Variants in HMGXB4 observed in about 807,000 individuals in gnomAD.
The protein encoded by HMGXB4 is HMG-box containing 4, also known as HMG domain-containing protein 4.
In HMGXB4, 27 loss-of-function variants were observed where a neutral mutation model predicts 63.9. The ratio of observed to expected loss-of-function variants is 0.42; its 90% CI spans 0.31 to 0.58. The LOEUF (loss-of-function observed/expected upper bound fraction) is 0.58. Ranked by LOEUF, HMGXB4 falls within the 20% of genes least tolerant of loss-of-function variation. The pLI, the probability that HMGXB4 is intolerant of heterozygous loss-of-function variation, is 0.13. For synonymous variants in HMGXB4, 264 were observed against 265.3 expected (o/e 0.99, Z 0.05); for missense variants, 624 against 700.7 (o/e 0.89, Z 1.24).
Position 35,265,281 on chromosome 22 carries a change from C to T in HMGXB4, c.893C>T (p.Ser298Phe). The T allele has an allele frequency of 6.2e-7, 1 of 1,614,008 alleles. No homozygotes were observed. The highest frequency in any genetic ancestry group is 8.5e-7 in the Non-Finnish European group (1 of 1,180,018). Residue 298 changes from serine (S) to phenylalanine (F), a missense_variant, in exon 5 of 11, where the codon TCT becomes TTT. By Grantham distance (155) the Ser-to-Phe change is radical. This residue lies in a region of HMGXB4 where 472 missense variants were observed against 470.6 expected (regional missense o/e 1.00). Coordinates refer to ENST00000216106, the MANE Select transcript of HMGXB4 (RefSeq NM_001003681.3). Reference sequence around the variant, plus strand: ...ATTCTGGTAGAATCAGACTCATCCTCTGGTGGGGAACTAGAGGCTGGGGAG... The same window carrying T: ...ATTCTGGTAGAATCAGACTCATCCTTTGGTGGGGAACTAGAGGCTGGGGAG... ...EPILVESDSS[S>F]GGELEAGELV...
At chr22:35,243,169 G>A in the HMGXB4 span, among the ~76,000 whole-genome samples, 61 of 152,188 alleles carry the variant, frequency 4.0e-4, no homozygotes, top group East Asian at 1.9e-4. Flanking sequence ...TCCAGAGTTC[G>A]AGACCAGCCT....
chr22:35,246,664 C>T, the HMGXB4 span, among the ~76,000 whole-genome samples: 2 of 152,192 alleles, frequency 1.3e-5, no homozygotes, highest in Non-Finnish European at 2.9e-5. Context: ...TTGGCTCTTC[C>T]ACATTGCCCA....
intron 9 of HMGXB4, among the ~76,000 whole-genome samples, chr22:35,291,810 G>GC (rs1924949173): frequency 6.6e-6 from 1 of 152,162 alleles, no homozygotes; most frequent in South Asian, 2.1e-4. Flanking sequence ...CTAGAGTTTA[G>GC]CCCCTAAGTG....
rs551006065 is a variant in HMGXB4 at position 35,279,132 on chromosome 22, C to CTTTT, written c.1216-4802_1216-4799dup. Among the ~76,000 whole-genome samples the CTTTT allele has an allele frequency of 2.7e-3, 135 of 50,830 alleles. 6 individuals are homozygous for CTTTT. Among genetic ancestry groups the CTTTT allele is most frequent in the African/African-American group, 3.9e-3 (43 of 10,960 alleles). The allele number at this position is 50,830 out of a possible 152,430, so 33.3% of individuals were successfully genotyped here. Reference sequence around the variant, plus strand: ...TATTTTCTCACAGTCTATGGATTGTCTTTTTTTTTTTTTTTTTTTTTTTTT... The same window carrying CTTTT: ...TATTTTCTCACAGTCTATGGATTGTCTTTTTTTTTTTTTTTTTTTTTTTTTTTTT... On this transcript the variant is annotated intron_variant, in intron 5 of 10. Transcript: ENST00000216106.
rs1219878584 is a variant in HMGXB4 at position 35,295,169 on chromosome 22, G to A, written c.*1518G>A. ...CCTGACAGAGCACTACAGCATCAAA[G>A]TAAATCTTTGGGGACAGTGTAGCCC... is the stretch of plus-strand genomic sequence containing the variant. On this transcript the variant is annotated 3_prime_UTR_variant, in exon 11 of 11. Coordinates refer to ENST00000216106, the MANE Select transcript of HMGXB4 (RefSeq NM_001003681.3). The A allele has an allele frequency of 6.6e-6, 1 of 152,232 alleles. No homozygotes were observed. Among genetic ancestry groups the A allele is most frequent in the Non-Finnish European group, 1.5e-5 (1 of 68,060 alleles). The allele number at this position is 152,232 out of a possible 1,614,324, so 9.4% of individuals were successfully genotyped here. A position where few individuals can be genotyped will look rare whatever the true frequency, so the allele number is the denominator to read the frequency against.
intron 5 of HMGXB4, among the ~76,000 whole-genome samples, chr22:35,274,404 GC>G (rs1555887987): frequency 1.3e-5 from 2 of 152,216 alleles, no homozygotes; most frequent in Non-Finnish European, 2.9e-5. Flanking sequence ...TTGCTGCCAG[GC>G]TGGCCTTCTA....
rs1925226137 is a variant in HMGXB4 at position 35,295,742 on chromosome 22, T to G, written c.*2091T>G. On this transcript the variant is annotated 3_prime_UTR_variant, in exon 11 of 11. Coordinates refer to ENST00000216106, the MANE Select transcript of HMGXB4 (RefSeq NM_001003681.3). ...TCTAGTGGTTTGATCCAAATCCCAT[T>G]ACAGTTGTATAAAGAAATAAAATTT... 1.3e-5 allele frequency: 2 copies of G among 152,632 alleles called. No individual in the cohort carries two copies. Among genetic ancestry groups the G allele is most frequent in the African/African-American group, 4.8e-5 (2 of 41,454 alleles). The allele number at this position is 152,632 out of a possible 1,614,324, so 9.5% of individuals were successfully genotyped here.
At chr22:35,244,868 C>A in the HMGXB4 span, among the ~76,000 whole-genome samples, 1 of 152,206 alleles carries the variant, frequency 6.6e-6, no homozygotes, top group Non-Finnish European at 1.5e-5. Context: ...CTGCTGGCAA[C>A]TGTACCCTTT....
intron 1 of HMGXB4, among the ~76,000 whole-genome samples, chr22:35,260,591 G>C (rs932815864): frequency 1.3e-5 from 2 of 152,152 alleles, no homozygotes; most frequent in African/African-American, 2.4e-5. Flanking sequence ...CGTTTCCTAT[G>C]AAAAGGCCCT....
chr22:35,258,078 C>T (rs1229520691), intron 1 of HMGXB4: 1 of 152,286 alleles, frequency 6.6e-6, no homozygotes. Context: ...TTTTCCTCTT[C>T]ACAGAGCTTT....
intron 5 of HMGXB4, among the ~76,000 whole-genome samples, chr22:35,273,343 C>T (rs749758120): frequency 2.8e-4 from 42 of 152,282 alleles, no homozygotes; most frequent in Middle Eastern, 6.8e-3. Context: ...ATGGTTACTC[C>T]GTGCCATGAT....
At chr22:35,252,318 A>AACAT in the HMGXB4 span, among the ~76,000 whole-genome samples, 1 of 152,246 alleles carries the variant, frequency 6.6e-6, no homozygotes, top group Non-Finnish European at 1.5e-5. Context: ...TGGTCTCTAG[A>AACAT]ACATATGCAT....
chr22:35,251,612 T>C, the HMGXB4 span, among the ~76,000 whole-genome samples: 4 of 152,204 alleles, frequency 2.6e-5, no homozygotes, highest in Non-Finnish European at 5.9e-5. Flanking sequence ...CAGTAATAGA[T>C]ACATGTTACC....
intron 5 of HMGXB4, among the ~76,000 whole-genome samples, chr22:35,274,490 G>C (rs1044283240): frequency 2.6e-5 from 4 of 152,196 alleles, no homozygotes; most frequent in African/African-American, 9.7e-5. Flanking sequence ...TTCCTCGTAT[G>C]TTCTAGGCAC....
In HMGXB4 at chr22:35,265,304, G is replaced by A. The variant is rs1405729348; in HGVS notation, c.916G>A (p.Glu306Lys). ...CTCTGGTGGGGAACTAGAGGCTGGGGAGTTAGTGATAGATGATTCTTACCG... is the reference window on the plus strand; with the variant it reads ...CTCTGGTGGGGAACTAGAGGCTGGGAAGTTAGTGATAGATGATTCTTACCG... ...SSSGGELEAG[E>K]LVIDDSYREI... The change falls in exon 5 of 11, where the codon GAG becomes AAG. Residue 306 changes from glutamate to lysine, a missense_variant. This residue lies in a region of HMGXB4 where 472 missense variants were observed against 470.6 expected (regional missense o/e 1.00). Transcript: ENST00000216106. 1 of 1,613,956 alleles carries A rather than the reference G, an allele frequency of 6.2e-7. No homozygotes were observed. Among genetic ancestry groups the A allele is most frequent in the East Asian group, 2.2e-5 (1 of 44,882 alleles).
rs540872392 is a variant in HMGXB4, at chr22:35,284,824, T to G, written c.1297+781T>G. On this transcript the variant is annotated intron_variant, in intron 6 of 10. Transcript: ENST00000216106. ...CTATACCAGAGATCCTGGACACATG[T>G]CACTTAACCGCTACAAATTTCATTT... Among the ~76,000 whole-genome samples, 3 of 152,348 alleles carry G rather than the reference T, an allele frequency of 2.0e-5. No homozygotes were observed. The East Asian group carries it at 5.8e-4, about 29-fold the overall frequency.
At chr22:35,268,964 C>G (rs1191992800) in intron 5 of HMGXB4, among the ~76,000 whole-genome samples, 1 of 152,204 alleles carries the variant, frequency 6.6e-6, no homozygotes, top group African/African-American at 2.4e-5. Context: ...GAATTAACGT[C>G]TAAACTCCCA....
chr22:35,289,463 TA>T (rs1026190903), intron 9 of HMGXB4, among the ~76,000 whole-genome samples: 1 of 151,980 alleles, frequency 6.6e-6, no homozygotes, highest in East Asian at 1.9e-4. Flanking sequence ...CTATCTTTTT[TA>T]AAAAAACAAA....
chr22:35,289,449 G>T (rs765675755), intron 9 of HMGXB4, among the ~76,000 whole-genome samples: 4 of 152,154 alleles, frequency 2.6e-5, no homozygotes, highest in Non-Finnish European at 4.4e-5. Context: ...GACAGAGCAA[G>T]ACCCTATCTT....
Sources: allele counts gnomAD v4.1 joint callset (sites outside exome capture counted in the v4.1 genomes callset), GRCh38; gene constraint gnomAD v4.1.1; regional missense constraint gnomAD v4.1.1; transcripts MANE v1.5; gene names NCBI Gene and HGNC (gene_info 2026-07-23, HGNC 2026-07-21).